Variants in TG observed in about 807,000 individuals in gnomAD.
TG encodes the protein thyroglobulin.
A neutral mutation model predicts 324.7 loss-of-function variants in TG; 270 were observed. The ratio of observed to expected loss-of-function variants is 0.83; its 90% CI spans 0.75 to 0.92. TG has a LOEUF of 0.92. TG is among the 40% of genes least tolerant of loss of function. The pLI, the probability that TG is intolerant of heterozygous loss-of-function variation, is 0.00. For missense variants in TG, 3,591 were observed against 3,456.4 expected, an observed-to-expected ratio of 1.04 and a Z score of -0.98; for synonymous variants, 1,401 against 1,327.0, an observed-to-expected ratio of 1.06 and a Z score of -1.21.
rs766820808 is a variant in TG, at chr8:133,113,442, C to T, written c.7593C>T (p.Gly2531=). The change falls in exon 44 of 48, where the codon GGC becomes GGT. Residue 2531 remains glycine (G), a synonymous_variant. Coordinates refer to ENST00000220616, the MANE Select transcript of TG (RefSeq NM_003235.5). Reference sequence around the variant, plus strand: ...TCTAGCAATTTGAGGAAAGTCGAGGCCGGACCAGTAGCAAAACAGCCTTTT... The same window carrying T: ...TCTAGCAATTTGAGGAAAGTCGAGGTCGGACCAGTAGCAAAACAGCCTTTT... ...KAVKQFEESR[G]RTSSKTAFYQ... 2 of 1,613,784 alleles carry T rather than the reference C, an allele frequency of 1.2e-6. No homozygotes were observed. The highest frequency in any genetic ancestry group is 3.3e-4 in the Middle Eastern group (2 of 6,062).
At chr8:133,100,799 C>A (rs1034559657) in intron 43 of TG, among the ~76,000 whole-genome samples, 4 of 152,256 alleles carry the variant, frequency 2.6e-5, no homozygotes, top group East Asian at 1.9e-4. Context: ...TCCAATTCTA[C>A]CCACATTCTT....
chr8:133,066,182 C>A (rs150252764), intron 41 of TG, among the ~76,000 whole-genome samples: 19 of 152,034 alleles, frequency 1.2e-4, no homozygotes, highest in African/African-American at 4.6e-4. Flanking sequence ...ATAAATTAGC[C>A]GGGCGTGGTG....
At chr8:132,961,446 C>A (rs895690169) in intron 28 of TG, among the ~76,000 whole-genome samples, 3 of 152,176 alleles carry the variant, frequency 2.0e-5, no homozygotes, top group Non-Finnish European at 4.4e-5. Flanking sequence ...GGCCCAGGGA[C>A]TGGGGACAGG....
chr8:132,955,928 T>C (rs1047887276), intron 27 of TG, among the ~76,000 whole-genome samples: 6 of 152,336 alleles, frequency 3.9e-5, no homozygotes, highest in Admixed American at 3.9e-4. Flanking sequence ...AGTGTGTTTG[T>C]GCTCCTTCAG....
chr8:132,931,053 G>A (rs1822645826), intron 23 of TG, among the ~76,000 whole-genome samples: 1 of 152,156 alleles, frequency 6.6e-6, no homozygotes, highest in Admixed American at 6.6e-5. Flanking sequence ...CAACAAAATG[G>A]ATTTTCTTGT....
intron 41 of TG, chr8:133,047,756 G>A (rs548651469): frequency 2.6e-5 from 22 of 847,922 alleles, no homozygotes; most frequent in African/African-American, 1.3e-4. Context: ...AAATGAAGCC[G>A]TGTAATGAGT....
chr8:133,056,078 G>A (rs1297494227), intron 41 of TG, among the ~76,000 whole-genome samples: 1 of 152,064 alleles, frequency 6.6e-6, no homozygotes, highest in African/African-American at 2.4e-5. Flanking sequence ...GGTCTCCCTG[G>A]GCAGGGCAGG....
At chr8:132,966,034 G>A (rs1727448524) in intron 29 of TG, among the ~76,000 whole-genome samples, 2 of 152,238 alleles carry the variant, frequency 1.3e-5, no homozygotes, top group Non-Finnish European at 2.9e-5. Context: ...GGAGCTGAAA[G>A]CTGACTTTGT....
At chr8:133,096,868 G>A (rs1341360199) in intron 43 of TG, among the ~76,000 whole-genome samples, 1 of 152,220 alleles carries the variant, frequency 6.6e-6, no homozygotes, top group Non-Finnish European at 1.5e-5. Flanking sequence ...GCTTTGTGTG[G>A]CTTGCTGGAG....
chr8:133,131,990 C>T (rs374829547), intron 46 of TG, 44 bp downstream of exon 46: 139 of 1,613,106 alleles, frequency 8.6e-5, no homozygotes, highest in Non-Finnish European at 1.1e-4. Context: ...CTGTGCTTTT[C>T]CTCCCGCTTC....
chr8:132,913,058 G>T lies in TG; in HGVS notation c.4171G>T (p.Val1391Leu). The T allele has an allele frequency of 6.2e-7, 1 of 1,614,126 alleles. No individual in the cohort carries two copies. The highest frequency in any genetic ancestry group is 8.5e-7 in the Non-Finnish European group (1 of 1,180,004). Residue 1391 changes from valine (V) to leucine (L), a missense_variant, in exon 20 of 48, where the codon GTG (valine) becomes TTG (leucine). Coordinates refer to ENST00000220616, the MANE Select transcript of TG (RefSeq NM_003235.5). ...CCTGTGTCTTACAGAGAGAGCCTTG[G>T]TGGGCAAGGATCTCCTTGGGCGCTT... ...PDLHDIERAL[V>L]GKDLLGRFTD... is the part of the protein sequence containing the mutation.
At chr8:133,001,250 A>G (rs1833464087) in intron 35 of TG, among the ~76,000 whole-genome samples, 2 of 152,136 alleles carry the variant, frequency 1.3e-5, no homozygotes, top group Admixed American at 6.5e-5. Flanking sequence ...AACCCATGAC[A>G]CCTACTGTCA....
chr8:132,882,222 A>G (rs1051555766), intron 6 of TG, among the ~76,000 whole-genome samples: 3 of 152,248 alleles, frequency 2.0e-5, no homozygotes, highest in African/African-American at 7.2e-5. Flanking sequence ...TGCAGCCCCG[A>G]AATTGGCGAG....
chr8:132,927,884 A>G (rs1299084175), intron 22 of TG, among the ~76,000 whole-genome samples: 1 of 152,216 alleles, frequency 6.6e-6, no homozygotes. Flanking sequence ...ATGAGCTACT[A>G]AAGGGTATAA....
rs763629516 is a variant in TG, at chr8:132,911,506, G to C, written c.4132G>C (p.Ala1378Pro). ...WKSRLEDIPV[A>P]SLPDLHDIER... ...ATCACGGCTTGAGGACATCCCAGTGGCTTCTCTTCCTGACTTACATGACAT... is the reference window on the plus strand; with the variant it reads ...ATCACGGCTTGAGGACATCCCAGTGCCTTCTCTTCCTGACTTACATGACAT... Residue 1378 changes from alanine (A) to proline (P), a missense_variant, in exon 19 of 48, where the codon GCT becomes CCT. Coordinates refer to ENST00000220616, the MANE Select transcript of TG (RefSeq NM_003235.5). The C allele has an allele frequency of 6.2e-7, 1 of 1,614,134 alleles. No homozygotes were observed. The highest frequency in any genetic ancestry group is 1.1e-5 in the South Asian group (1 of 91,078).
At chr8:133,112,299 C>T (rs1232820298) in intron 43 of TG, among the ~76,000 whole-genome samples, 8 of 152,246 alleles carry the variant, frequency 5.3e-5, no homozygotes, top group Admixed American at 6.5e-5. Flanking sequence ...CTGATAAGCA[C>T]GTTGCACCGT....
chr8:132,982,040 A>G (rs992875993), intron 34 of TG, among the ~76,000 whole-genome samples: 6 of 152,178 alleles, frequency 3.9e-5, no homozygotes, highest in Non-Finnish European at 5.9e-5. Context: ...TGGCAAGAGT[A>G]TATTATTGTT....
intron 10 of TG, among the ~76,000 whole-genome samples, chr8:132,893,029 TG>T (rs1289764595): frequency 2.8e-5 from 4 of 144,900 alleles, no homozygotes; most frequent in African/African-American, 1.0e-4. Flanking sequence ...GTGTGGTATG[TG>T]TGTATGGTAT....
intron 29 of TG, among the ~76,000 whole-genome samples, chr8:132,963,535 G>C (rs1468735661): frequency 6.6e-6 from 1 of 152,176 alleles, no homozygotes; most frequent in African/African-American, 2.4e-5. Flanking sequence ...CGTATGTACT[G>C]TCTGGACTTC....
Sources: gnomAD v4.1 joint callset for allele counts (sites outside exome capture counted in the v4.1 genomes callset) on GRCh38, gnomAD v4.1.1 for gene constraint, MANE v1.5 for transcripts, NCBI Gene and HGNC (gene_info 2026-07-23, HGNC 2026-07-21) for gene names.